AKT3: variants seen among roughly 807,000 people sequenced by gnomAD.
AKT3 encodes AKT serine/threonine kinase 3.
A neutral mutation model predicts 65.3 loss-of-function variants in AKT3; 15 were observed. That is an observed-to-expected ratio of 0.23 (90% CI 0.15 to 0.35). AKT3 has a LOEUF of 0.35. AKT3 is among the 10% of genes least tolerant of loss of function. The pLI is 1.00. For synonymous variants in AKT3, 206 were observed against 183.8 expected (o/e 1.12, Z -0.98); for missense variants, 243 against 576.5 (o/e 0.42, Z 5.92).
intron 3 of AKT3, among the ~76,000 whole-genome samples, chr1:243,673,906 C>T (rs528042514): frequency 2.4e-4 from 36 of 152,210 alleles, no homozygotes; most frequent in Non-Finnish European, 3.4e-4. Context: ...AGCCACTGTG[C>T]CCGGTCTATT....
chr1:243,809,256 G>A (rs1191960504), intron 2 of AKT3, among the ~76,000 whole-genome samples: 1 of 152,124 alleles, frequency 6.6e-6, no homozygotes, highest in Non-Finnish European at 1.5e-5. Context: ...AAACAGTCAA[G>A]ACCCATCAGT....
chr1:243,525,210 C>G (rs889242544), intron 12 of AKT3, among the ~76,000 whole-genome samples: 2 of 152,138 alleles, frequency 1.3e-5, no homozygotes, highest in Non-Finnish European at 2.9e-5. Flanking sequence ...AATCTTAACC[C>G]ACTGGAAAAA....
chr1:243,560,207 C>T (rs1673678657), intron 10 of AKT3, among the ~76,000 whole-genome samples: 1 of 152,100 alleles, frequency 6.6e-6, no homozygotes, highest in Admixed American at 6.6e-5. Context: ...TTTTCTTGCA[C>T]AGTAATAACT....
intron 4 of AKT3, among the ~76,000 whole-genome samples, chr1:243,647,858 G>A (rs758353346): frequency 1.3e-5 from 2 of 152,130 alleles, no homozygotes; most frequent in Non-Finnish European, 2.9e-5. Flanking sequence ...CATCCCCCTT[G>A]AATATTATGT....
rs147168759 is a variant in AKT3 at position 243,523,697 on chromosome 1, G to A, written c.1252-11271C>T. Among the ~76,000 whole-genome samples the A allele has an allele frequency of 1.6e-4, 25 of 152,166 alleles. No homozygotes were observed. The East Asian group carries it at 4.6e-3, about 28-fold the overall frequency. On this transcript the variant is annotated intron_variant, in intron 12 of 13. Coordinates refer to ENST00000673466, the MANE Select transcript of AKT3 (RefSeq NM_005465.7). ...ATCCTAACTGCAGCTTCTATAACAG[G>A]TCCTTTACTCTTAAAATCTGGGTCA...
intron 13 of AKT3, among the ~76,000 whole-genome samples, chr1:243,493,216 T>G: frequency 3.6e-5 from 1 of 27,952 alleles, no homozygotes; most frequent in Admixed American, 4.9e-4. Flanking sequence ...GGCTGAAACC[T>G]TGGTGGTGGG....
At chr1:243,679,042 A>C (rs1175767844) in intron 3 of AKT3, among the ~76,000 whole-genome samples, 1 of 152,172 alleles carries the variant, frequency 6.6e-6, no homozygotes, top group African/African-American at 2.4e-5. Flanking sequence ...CTCAACAAGA[A>C]GACAATGAGG....
At chr1:243,537,024 G>A (rs934385254) in intron 12 of AKT3, among the ~76,000 whole-genome samples, 5 of 152,122 alleles carry the variant, frequency 3.3e-5, no homozygotes, top group Admixed American at 6.6e-5. Context: ...ATCAATCACC[G>A]AACTCTTCAG....
intron 3 of AKT3, among the ~76,000 whole-genome samples, chr1:243,680,531 T>G (rs1462458797): frequency 6.6e-6 from 1 of 152,114 alleles, no homozygotes; most frequent in African/African-American, 2.4e-5. Flanking sequence ...GCTTAAAGGT[T>G]CTTCCTCCCA....
intron 8 of AKT3, among the ~76,000 whole-genome samples, chr1:243,607,956 C>T (rs905615703): frequency 1.3e-5 from 2 of 152,152 alleles, no homozygotes; most frequent in Non-Finnish European, 2.9e-5. Flanking sequence ...GTTTGCTTCC[C>T]CTTCCACCAT....
chr1:243,555,380 A>C (rs914018015), intron 10 of AKT3, among the ~76,000 whole-genome samples: 2 of 152,146 alleles, frequency 1.3e-5, no homozygotes, highest in African/African-American at 4.8e-5. Flanking sequence ...TCCCACTATT[A>C]AAACAATATC....
chr1:243,606,579 GAA>G (rs1162600746), intron 8 of AKT3, among the ~76,000 whole-genome samples: 1 of 152,182 alleles, frequency 6.6e-6, no homozygotes, highest in African/African-American at 2.4e-5. Context: ...ACGCGGAGAA[GAA>G]AAGTTTGCAA....
chr1:243,583,902 C>G (rs957175127), intron 8 of AKT3, among the ~76,000 whole-genome samples: 1 of 151,848 alleles, frequency 6.6e-6, no homozygotes, highest in Non-Finnish European at 1.5e-5. Context: ...AACATCACAT[C>G]TAGAGGAACC....
chr1:243,826,733 T>TG (rs1694191929), intron 2 of AKT3, among the ~76,000 whole-genome samples: 1 of 152,174 alleles, frequency 6.6e-6, no homozygotes, highest in Non-Finnish European at 1.5e-5. Context: ...TACCCTTAAG[T>TG]GGAAAAAAAG....
chr1:243,763,840 C>T (rs932671801), intron 2 of AKT3, among the ~76,000 whole-genome samples: 1 of 152,046 alleles, frequency 6.6e-6, no homozygotes, highest in South Asian at 2.1e-4. Context: ...GTTTAAAACT[C>T]CTTTTCTGTT....
intron 12 of AKT3, among the ~76,000 whole-genome samples, chr1:243,536,029 G>A (rs557334664): frequency 1.6e-3 from 239 of 152,074 alleles, no homozygotes; most frequent in African/African-American, 5.5e-3. Flanking sequence ...ATTTTCTTTC[G>A]AGAAATGTGT....
intron 8 of AKT3, among the ~76,000 whole-genome samples, chr1:243,595,625 C>T (rs1052741923): frequency 1.3e-5 from 2 of 151,938 alleles, no homozygotes; most frequent in African/African-American, 4.8e-5. Context: ...ACGTCTTTAA[C>T]TTTTGGTTAA....
At chr1:243,572,898 A>C in intron 9 of AKT3, 28 bp downstream of exon 9, 1 of 1,586,606 alleles carries the variant, frequency 6.3e-7, no homozygotes, top group African/African-American at 1.4e-5. Flanking sequence ...GCAAAAACAA[A>C]TTTTGATTAC....
At chr1:243,764,620 C>T (rs1689702423) in intron 2 of AKT3, among the ~76,000 whole-genome samples, 1 of 151,984 alleles carries the variant, frequency 6.6e-6, no homozygotes, top group African/African-American at 2.4e-5. Flanking sequence ...GTACTGACCT[C>T]TATTACAGAA....
Sources: gnomAD v4.1 joint callset for allele counts (sites outside exome capture counted in the v4.1 genomes callset) on GRCh38, gnomAD v4.1.1 for gene constraint, MANE v1.5 for transcripts, NCBI Gene and HGNC (gene_info 2026-07-23, HGNC 2026-07-21) for gene names.